The following DLG2 variants were observed in gnomAD, a reference collection of about 807,000 sequenced individuals.
DLG2 encodes discs large MAGUK scaffold protein 2.
DLG2 carries 45 observed loss-of-function variants against 132.5 expected under a neutral mutation model. The observed-to-expected ratio is 0.34, with a 90% confidence interval of 0.27 to 0.44. DLG2 has a LOEUF of 0.44. DLG2 is among the 20% of genes least tolerant of loss of function. The pLI is 1.00. For synonymous variants in DLG2, 424 were observed against 419.6 expected (o/e 1.01, Z -0.13); for missense variants, 1,045 against 1,196.9 (o/e 0.87, Z 1.87).
intron 7 of DLG2, among the ~76,000 whole-genome samples, chr11:84,360,226 C>T (rs1386900825): frequency 6.6e-6 from 1 of 150,852 alleles, no homozygotes; most frequent in African/African-American, 2.4e-5. Context: ...TTAAAGAAAT[C>T]CAATTCTAAA....
chr11:85,385,591 T>C (rs917590069), intron 3 of DLG2, among the ~76,000 whole-genome samples: 36 of 152,160 alleles, frequency 2.4e-4, no homozygotes, highest in Non-Finnish European at 4.7e-4. Context: ...CCAGCCAAGA[T>C]TTAAGAAATA....
intron 3 of DLG2, among the ~76,000 whole-genome samples, chr11:85,460,742 T>C (rs1302833046): frequency 2.0e-5 from 3 of 152,220 alleles, no homozygotes; most frequent in African/African-American, 7.2e-5. Flanking sequence ...TTCACAGTTG[T>C]TCTCCATTGA....
At position 84,589,670 on chromosome 11, in the gene DLG2, A is replaced by G. The variant is rs959361760; in HGVS notation, c.358-54939T>C. ...CATTCTTCTATTATAACATGCATCA[A>G]TATGTTCTATAATTATATATTTACC... On this transcript the variant is annotated intron_variant, in intron 6 of 27. Transcript: ENST00000376104. Among the ~76,000 whole-genome samples, 6 of 152,204 alleles carry G rather than the reference A, an allele frequency of 3.9e-5. No homozygotes were observed. The South Asian group carries it at 1.0e-3, about 26-fold the overall frequency.
chr11:83,506,999 AG>A (rs2094737157), intron 21 of DLG2, among the ~76,000 whole-genome samples: 1 of 152,122 alleles, frequency 6.6e-6, no homozygotes, highest in East Asian at 1.9e-4. Context: ...TGAAGCTGGG[AG>A]TTAGAATCCC....
At chr11:84,420,645 G>GTTTTTT (rs1567588759) in intron 7 of DLG2, among the ~76,000 whole-genome samples, 5 of 48,944 alleles carry the variant, frequency 1.0e-4, no homozygotes, top group Admixed American at 6.3e-4. Flanking sequence ...ACCAATGCTT[G>GTTTTTT]TTTTCTTTTT....
At chr11:84,924,085 C>T (rs1261656633) in intron 6 of DLG2, among the ~76,000 whole-genome samples, 2 of 151,854 alleles carry the variant, frequency 1.3e-5, no homozygotes, top group Non-Finnish European at 2.9e-5. Flanking sequence ...GCTTCTGCCC[C>T]TATAAGTCCG....
chr11:85,561,508 T>C (rs1471841491), intron 3 of DLG2, among the ~76,000 whole-genome samples: 1 of 151,540 alleles, frequency 6.6e-6, no homozygotes, highest in African/African-American at 2.4e-5. Flanking sequence ...TAAGCAACTG[T>C]TCATCAATTT....
chr11:85,155,183 G>A (rs1358284020), intron 4 of DLG2, among the ~76,000 whole-genome samples: 1 of 152,168 alleles, frequency 6.6e-6, no homozygotes, highest in Admixed American at 6.5e-5. Flanking sequence ...CCTAAACTGA[G>A]GGAACACAAC....
chr11:83,516,706 G>T (rs887501289), intron 21 of DLG2, among the ~76,000 whole-genome samples: 3 of 152,288 alleles, frequency 2.0e-5, no homozygotes, highest in Non-Finnish European at 4.4e-5. Flanking sequence ...AGGAGCTCTT[G>T]TAGGGCAGGC....
At chr11:83,517,799 T>C (rs2140285694) in intron 21 of DLG2, among the ~76,000 whole-genome samples, 1 of 152,292 alleles carries the variant, frequency 6.6e-6, no homozygotes, top group Admixed American at 6.5e-5. Context: ...CAGACCCTGT[T>C]TGCCTGGGTA....
chr11:84,040,810 G>A (rs1657766982), intron 11 of DLG2, among the ~76,000 whole-genome samples: 1 of 151,742 alleles, frequency 6.6e-6, no homozygotes, highest in South Asian at 2.1e-4. Context: ...ATTACCTTGG[G>A]CAGTATGGCC....
chr11:85,400,922 T>C (rs1240415682), intron 3 of DLG2, among the ~76,000 whole-genome samples: 1 of 147,518 alleles, frequency 6.8e-6, no homozygotes, highest in Non-Finnish European at 1.5e-5. Flanking sequence ...CCCTAAAACT[T>C]AAAGTATAAT....
rs71463182 is a variant in DLG2 at position 83,742,210 on chromosome 11, A to ACC, written c.1825+44479_1825+44480insGG. Among the ~76,000 whole-genome samples, 244 of 147,106 alleles carry ACC rather than the reference A, an allele frequency of 1.7e-3. 1 individual carries two copies. Among genetic ancestry groups the ACC allele is most frequent in the African/African-American group, 6.1e-3 (243 of 39,988 alleles). On this transcript the variant is annotated intron_variant, in intron 18 of 27. Transcript: ENST00000376104. ...AGAGAGTAAATTTTACCACACTTTT[A>ACC]ACACACACACACACACACACACACA...
chr11:85,518,894 T>C (rs2094221422), intron 3 of DLG2, among the ~76,000 whole-genome samples: 1 of 152,178 alleles, frequency 6.6e-6, no homozygotes, highest in Non-Finnish European at 1.5e-5. Context: ...CAGCTCAGGT[T>C]GTTGCTTCAG....
intron 21 of DLG2, among the ~76,000 whole-genome samples, chr11:83,498,236 CAT>C (rs2094255165): frequency 6.6e-6 from 1 of 151,982 alleles, no homozygotes; most frequent in South Asian, 2.1e-4. Context: ...AATGTGATAA[CAT>C]ATTAATAGCT....
chr11:84,281,679 GA>G (rs1042202559), intron 7 of DLG2, among the ~76,000 whole-genome samples: 33 of 133,018 alleles, frequency 2.5e-4, no homozygotes, highest in African/African-American at 7.3e-4. Context: ...AATTCAATCA[GA>G]AAAAAAAACC....
At chr11:85,223,644 G>A (rs1332825251) in intron 4 of DLG2, among the ~76,000 whole-genome samples, 2 of 151,950 alleles carry the variant, frequency 1.3e-5, no homozygotes, top group Admixed American at 6.6e-5. Flanking sequence ...CTGTTTTTTT[G>A]TTGTTGTTTT....
At chr11:83,809,748 A>G (rs922139225) in intron 17 of DLG2, among the ~76,000 whole-genome samples, 9 of 152,152 alleles carry the variant, frequency 5.9e-5, no homozygotes, top group African/African-American at 1.9e-4. Flanking sequence ...AAAGTATGAA[A>G]TAAGTACTGA....
At chr11:84,265,688 AG>A (rs764828668) in intron 7 of DLG2, among the ~76,000 whole-genome samples, 2 of 152,130 alleles carry the variant, frequency 1.3e-5, no homozygotes, top group African/African-American at 2.4e-5. Flanking sequence ...AATATAAGGA[AG>A]ATAGGTAGTA....
Sources: gnomAD v4.1 joint callset for allele counts (sites outside exome capture counted in the v4.1 genomes callset) on GRCh38, gnomAD v4.1.1 for gene constraint, MANE v1.5 for transcripts, NCBI Gene and HGNC (gene_info 2026-07-23, HGNC 2026-07-21) for gene names.